Variants in FCRL4 observed in about 807,000 individuals in gnomAD.
The protein encoded by FCRL4 is Fc receptor-like protein 4.
A neutral mutation model predicts 64.1 loss-of-function variants in FCRL4; 43 were observed. The ratio of observed to expected loss-of-function variants is 0.67; its 90% CI spans 0.53 to 0.87. The LOEUF is 0.87. FCRL4 is among the 40% of genes least tolerant of loss of function. The probability of loss-of-function intolerance (pLI) is 0.00; values close to 1 mark genes in which losing one functional copy is unlikely to be tolerated. For synonymous variants in FCRL4, 253 were observed against 239.8 expected (o/e 1.05, Z -0.51); for missense variants, 656 against 613.5 (o/e 1.07, Z -0.73).
chr1:157,586,235 T>A lies in FCRL4; in HGVS notation c.1068A>T (p.Gly356=), dbSNP rs1558155509. Residue 356 remains glycine (G), a synonymous_variant, in exon 6 of 12, where the codon GGA becomes GGT. Transcript: ENST00000271532. ...LPAIRQSHAG[G]YYCTADNSYG... ...AGCTGTTGTCTGCTGTACAGTAGTA[T>A]CCCCCTGCATGGCTCTGTCTGATGG... 1.2e-6 allele frequency: 2 copies of A among 1,614,074 alleles called. No individual in the cohort carries two copies. The highest frequency in any genetic ancestry group is 3.3e-5 in the Admixed American group (2 of 60,006).
At chr1:157,579,547 T>C (rs2873347) in intron 8 of FCRL4, among the ~76,000 whole-genome samples, 51,036 of 151,994 alleles carry the variant, frequency 0.34, 10,370 homozygotes, top group East Asian at 0.61. Flanking sequence ...TGAAACCTGG[T>C]CTCTACTAAA....
chr1:157,586,547 A>G, intron 5 of FCRL4, 92 bp from the exon 6 acceptor site: 1 of 1,118,874 alleles, frequency 8.9e-7, no homozygotes. Context: ...TTTTTATGTG[A>G]CTTCAAGATA....
At chr1:157,583,469 G>C (rs539108218) in intron 6 of FCRL4, among the ~76,000 whole-genome samples, 1 of 152,248 alleles carries the variant, frequency 6.6e-6, no homozygotes, top group South Asian at 2.1e-4. Context: ...GCCTTTGAGA[G>C]GTAATCAGAT....
chr1:157,577,505 G>A (rs1571134048), intron 10 of FCRL4, among the ~76,000 whole-genome samples: 2 of 152,296 alleles, frequency 1.3e-5, no homozygotes, highest in Middle Eastern at 6.8e-3. Context: ...TGAGAAAAAA[G>A]GACAAAACAG....
intron 2 of FCRL4, among the ~76,000 whole-genome samples, chr1:157,595,139 A>T (rs1652932382): frequency 6.6e-6 from 1 of 152,194 alleles, no homozygotes; most frequent in Admixed American, 6.5e-5. Context: ...ACGTCAAGTG[A>T]TCCACCCACC....
intron 10 of FCRL4, 73 bp from the exon 11 acceptor site, chr1:157,575,803 C>A (rs1652391401): frequency 6.7e-7 from 1 of 1,488,032 alleles, no homozygotes; most frequent in African/African-American, 1.4e-5. Context: ...TAGCTGATGC[C>A]CTAGAGTCTG....
intron 6 of FCRL4, among the ~76,000 whole-genome samples, chr1:157,585,422 C>CTTTCTTT (rs71593892): frequency 1.7e-5 from 2 of 121,022 alleles, no homozygotes; most frequent in Admixed American, 9.3e-5. Flanking sequence ...TTCTTTCTTT[C>CTTTCTTT]CTTTTTCAGA....
chr1:157,582,092 C>T (rs1056256711), intron 6 of FCRL4, among the ~76,000 whole-genome samples: 19 of 152,284 alleles, frequency 1.2e-4, no homozygotes, highest in African/African-American at 4.3e-4. Flanking sequence ...TGGGACACCA[C>T]GATGAAATGG....
chr1:157,581,003 C>T (rs944987718), intron 7 of FCRL4, among the ~76,000 whole-genome samples: 1 of 152,174 alleles, frequency 6.6e-6, no homozygotes, highest in Non-Finnish European at 1.5e-5. Context: ...GGAGGCTGAC[C>T]TGAGGAGAGA....
intron 8 of FCRL4, among the ~76,000 whole-genome samples, chr1:157,579,276 G>T (rs1339277219): frequency 6.6e-6 from 1 of 152,218 alleles, no homozygotes; most frequent in East Asian, 1.9e-4. Flanking sequence ...AGGCTGAGGT[G>T]GGAGGATTGC....
At position 157,587,911 on chromosome 1, in the gene FCRL4, G is replaced by C. The variant is rs2777962; in HGVS notation, c.516C>G (p.Asp172Glu). 6.2e-7 allele frequency: 1 copy of C among 1,608,346 alleles called. No homozygotes were observed. Among genetic ancestry groups the C allele is most frequent in the Non-Finnish European group, 8.5e-7 (1 of 1,175,862 alleles). Residue 172 changes from aspartate (D) to glutamate (E), a missense_variant, in exon 4 of 12, where the codon GAC becomes GAG. By Grantham distance (45) the Asp-to-Glu change is conservative. Transcript: ENST00000271532. Reference sequence around the variant, plus strand: ...AATTTGATCTAAATACATCATTCTCGTCTCCATATCCAATGCATCGATAAT... The same window carrying C: ...AATTTGATCTAAATACATCATTCTCCTCTCCATATCCAATGCATCGATAAT... ...NGNYRCIGYG[D>E]ENDVFRSNFK... is the part of the protein sequence containing the mutation.
At chr1:157,590,232 A>G (rs990022006) in intron 2 of FCRL4, among the ~76,000 whole-genome samples, 3 of 152,178 alleles carry the variant, frequency 2.0e-5, no homozygotes, top group Admixed American at 2.0e-4. Flanking sequence ...CACTTTATTC[A>G]AAACACTTTG....
intron 6 of FCRL4, among the ~76,000 whole-genome samples, chr1:157,585,356 T>TCTCTCTC (rs1652658724): frequency 1.5e-5 from 1 of 66,294 alleles, no homozygotes; most frequent in Non-Finnish European, 3.0e-5. Flanking sequence ...CTTTCTTTCT[T>TCTCTCTC]TCTTTCTTTC....
intron 10 of FCRL4, among the ~76,000 whole-genome samples, chr1:157,575,989 C>A (rs754060446): frequency 1.3e-5 from 2 of 152,200 alleles, no homozygotes; most frequent in Non-Finnish European, 2.9e-5. Flanking sequence ...TCACACCCTT[C>A]CTCTACCAGA....
rs892878362 is a variant in FCRL4, at chr1:157,598,053, G to A, written c.-109C>T. On this transcript the variant is annotated 5_prime_UTR_variant, in exon 1 of 12. Transcript: ENST00000271532. ...CCAGCACCAGCAGTGAGCTCAGTAA[G>A]CTTCTTCTCTGCATAAAGCTGATTG... 9.2e-6 allele frequency: 7 copies of A among 761,286 alleles called. No individual in the cohort carries two copies. Among genetic ancestry groups the A allele is most frequent in the Non-Finnish European group, 1.6e-5 (7 of 429,058 alleles). 47.2% of individuals were successfully genotyped at this position (761,286 alleles called of 1,614,324 possible).
Position 157,579,002 on chromosome 1 carries a change from T to C in FCRL4, c.1278-150A>G, listed in dbSNP as rs111236091. ...GAAAGCCTGAATGGTTTAATCAGAG[T>C]TTCAATAGGTCTATATAGAGTGAGA... On this transcript the variant is annotated intron_variant, in intron 8 of 11. Transcript: ENST00000271532. The C allele has an allele frequency of 2.0e-3, 1,302 of 638,152 alleles. 9 individuals are homozygous for C. The African/African-American group carries it at 0.022, about 11-fold the overall frequency. 39.5% of individuals were successfully genotyped at this position (638,152 alleles called of 1,614,324 possible).
chr1:157,586,270 C>T lies in FCRL4; in HGVS notation c.1033G>A (p.Glu345Lys), dbSNP rs772445378. The change falls in exon 6 of 12, where the codon GAG becomes AAG. Residue 345 changes from glutamate to lysine, a missense_variant. Transcript: ENST00000271532. The stretch of plus-strand genomic sequence containing the variant: ...TGGCTCTGTCTGATGGCAGGGAGCT[C>T]CAGCTCTGCTCTCAGGGAACGCTGA... The part of the protein sequence containing the change: ...KTQRSLRAEL[E>K]LPAIRQSHAG... 1.9e-6 allele frequency: 3 copies of T among 1,613,978 alleles called. No individual in the cohort carries two copies. Among genetic ancestry groups the T allele is most frequent in the Non-Finnish European group, 2.5e-6 (3 of 1,180,016 alleles).
intron 6 of FCRL4, among the ~76,000 whole-genome samples, chr1:157,584,245 C>A (rs374233102): frequency 6.6e-6 from 1 of 152,160 alleles, no homozygotes; most frequent in African/African-American, 2.4e-5. Flanking sequence ...TTCGAGGGAG[C>A]CCTTGGCAGC....
intron 6 of FCRL4, among the ~76,000 whole-genome samples, chr1:157,583,819 C>T (rs1217169294): frequency 2.6e-5 from 4 of 152,206 alleles, no homozygotes; most frequent in Admixed American, 2.6e-4. Context: ...ATATATTCTC[C>T]TATTTCTAAG....
Sources: gnomAD v4.1 joint callset for allele counts (sites outside exome capture counted in the v4.1 genomes callset) on GRCh38, gnomAD v4.1.1 for gene constraint, MANE v1.5 for transcripts, NCBI Gene and HGNC (gene_info 2026-07-23, HGNC 2026-07-21) for gene names.